UST: variants seen among roughly 807,000 people sequenced by gnomAD.
The protein encoded by UST is chondroitin sulfate 2-O-sulfotransferase.
A neutral mutation model predicts 45.6 loss-of-function variants in UST; 21 were observed. The ratio of observed to expected loss-of-function variants is 0.46; its 90% confidence interval spans 0.33 to 0.66. The LOEUF is 0.66. UST is among the 30% of genes least tolerant of loss of function. UST has a pLI of 0.02. For synonymous variants in UST, 215 were observed against 200.6 expected (o/e 1.07, Z -0.61); for missense variants, 463 against 512.4 (o/e 0.90, Z 0.93).
chr6:148,909,367 T>A (rs7749825), intron 2 of UST, among the ~76,000 whole-genome samples: 120,174 of 152,142 alleles, frequency 0.79, 47,607 homozygotes, highest in South Asian at 0.83. Context: ...GAGATGCCCG[T>A]GCGCTTCCTA....
chr6:148,973,460 T>G lies in UST; in HGVS notation c.681+8897T>G, dbSNP rs567125200. Among the ~76,000 whole-genome samples, 45 of 152,306 alleles carry G rather than the reference T, an allele frequency of 3.0e-4. 1 individual carries two copies. The South Asian group carries it at 3.9e-3, about 13-fold the overall frequency. ...ATGCAGGCCAATTCATACAAAGACA[T>G]GTAAATGCTAAATTAAAAGATGTGG... On this transcript the variant is annotated intron_variant, in intron 5 of 7. Coordinates refer to ENST00000367463, the MANE Select transcript of UST (RefSeq NM_005715.3).
chr6:148,820,678 G>A (rs995405771), intron 1 of UST, among the ~76,000 whole-genome samples: 29 of 151,696 alleles, frequency 1.9e-4, no homozygotes, highest in Admixed American at 1.5e-3. Context: ...ATGAAACCCC[G>A]TCTCTACTAA....
chr6:149,058,290 G>A (rs1378665621), intron 7 of UST, among the ~76,000 whole-genome samples: 1 of 151,780 alleles, frequency 6.6e-6, no homozygotes, highest in Non-Finnish European at 1.5e-5. Flanking sequence ...AGGGCTAGAT[G>A]TAGGTAATGA....
chr6:148,995,119 G>T (rs1396607400), intron 5 of UST, among the ~76,000 whole-genome samples: 1 of 152,044 alleles, frequency 6.6e-6, no homozygotes, highest in Non-Finnish European at 1.5e-5. Context: ...CCGCCTCCCG[G>T]GTTCAAGCTA....
At chr6:148,915,488 A>T (rs531380745) in intron 2 of UST, among the ~76,000 whole-genome samples, 1 of 152,090 alleles carries the variant, frequency 6.6e-6, no homozygotes, top group African/African-American at 2.4e-5. Context: ...CCAGACCCCA[A>T]ACAAGGATGT....
At chr6:148,933,694 T>C (rs1256868776) in intron 2 of UST, among the ~76,000 whole-genome samples, 1 of 152,090 alleles carries the variant, frequency 6.6e-6, no homozygotes. Context: ...AGAAAACAGA[T>C]GTGTGTGGCT....
At chr6:149,064,050 C>T (rs1158391190) in intron 7 of UST, among the ~76,000 whole-genome samples, 2 of 152,118 alleles carry the variant, frequency 1.3e-5, no homozygotes, top group Admixed American at 1.3e-4. Context: ...TATGAAAGAC[C>T]CAACTCCATG....
chr6:148,889,951 A>G (rs573128595), intron 2 of UST, among the ~76,000 whole-genome samples: 5 of 152,198 alleles, frequency 3.3e-5, no homozygotes, highest in African/African-American at 9.6e-5. Context: ...GTAATATGCA[A>G]AAATGATCAG....
intron 3 of UST, among the ~76,000 whole-genome samples, chr6:148,948,428 T>G (rs1450743355): frequency 6.6e-6 from 1 of 152,238 alleles, no homozygotes; most frequent in Non-Finnish European, 1.5e-5. Context: ...TTGGTAGAAC[T>G]GCAGGTAAAG....
At chr6:148,848,120 G>A (rs1778033303) in intron 1 of UST, among the ~76,000 whole-genome samples, 2 of 152,136 alleles carry the variant, frequency 1.3e-5, no homozygotes. Flanking sequence ...ACACCTGTTG[G>A]GAGAATCTTT....
chr6:148,910,839 T>C lies in UST; in HGVS notation c.291+23810T>C, dbSNP rs141344482. ...AGGAACTGCCCATTTCCACTGATGA[T>C]AGAAAGGTGTCTGTTTCTAATCGTT... On this transcript the variant is annotated intron_variant, in intron 2 of 7. Coordinates refer to ENST00000367463, the MANE Select transcript of UST (RefSeq NM_005715.3). Among the ~76,000 whole-genome samples, 320 of 152,314 alleles carry C rather than the reference T, an allele frequency of 2.1e-3. 1 individual carries two copies. Among genetic ancestry groups the C allele is most frequent in the African/African-American group, 7.6e-3 (316 of 41,578 alleles).
chr6:148,919,048 A>G (rs895188513), intron 2 of UST, among the ~76,000 whole-genome samples: 10 of 152,102 alleles, frequency 6.6e-5, no homozygotes, highest in African/African-American at 2.4e-4. Flanking sequence ...GATCTTTACT[A>G]TAGTACTCTG....
At chr6:148,930,320 A>G (rs1779897433) in intron 2 of UST, among the ~76,000 whole-genome samples, 1 of 152,216 alleles carries the variant, frequency 6.6e-6, no homozygotes, top group South Asian at 2.1e-4. Flanking sequence ...TTGAGTGCCT[A>G]CTATGTGCCA....
At chr6:148,924,843 C>T (rs1303630896) in intron 2 of UST, among the ~76,000 whole-genome samples, 1 of 152,136 alleles carries the variant, frequency 6.6e-6, no homozygotes, top group African/African-American at 2.4e-5. Flanking sequence ...TTTGCATTCT[C>T]TTGGTTGGGG....
intron 4 of UST, among the ~76,000 whole-genome samples, chr6:148,959,793 C>G (rs377763118): frequency 7.2e-5 from 11 of 152,044 alleles, no homozygotes; most frequent in African/African-American, 2.7e-4. Context: ...TGGGACAGAC[C>G]GGAGAGCAGA....
chr6:148,802,286 G>C (rs1777070090), intron 1 of UST, among the ~76,000 whole-genome samples: 2 of 152,142 alleles, frequency 1.3e-5, no homozygotes, highest in Admixed American at 1.3e-4. Flanking sequence ...AGGAATCGTA[G>C]TTCTTACAAA....
rs113847573 is a variant in UST, at chr6:148,769,871, CTT to C, written c.247+22205_247+22206del. ...GTATAGATCCCTACTCTTTCTGTCA[CTT>C]TTTTTTTTTTATAGGAAAAGACCTT... On this transcript the variant is annotated intron_variant, in intron 1 of 7. Coordinates refer to ENST00000367463, the MANE Select transcript of UST (RefSeq NM_005715.3). 2.2e-3 allele frequency among the ~76,000 whole-genome samples: 325 copies of C among 146,466 alleles called. 1 individual carries two copies. Among genetic ancestry groups the C allele is most frequent in the African/African-American group, 6.9e-3 (275 of 40,024 alleles).
chr6:149,037,040 G>C (rs1365148502), intron 7 of UST, among the ~76,000 whole-genome samples: 2 of 152,128 alleles, frequency 1.3e-5, no homozygotes, highest in Non-Finnish European at 2.9e-5. Flanking sequence ...TTAGGTGTCA[G>C]TTTGGGGGAA....
chr6:148,985,735 G>T (rs1781226885), intron 5 of UST, among the ~76,000 whole-genome samples: 1 of 152,126 alleles, frequency 6.6e-6, no homozygotes, highest in Non-Finnish European at 1.5e-5. Context: ...TCTCTTTCAG[G>T]ATCACTTACC....
Sources: gnomAD v4.1 joint callset for allele counts (sites outside exome capture counted in the v4.1 genomes callset) on GRCh38, gnomAD v4.1.1 for gene constraint, MANE v1.5 for transcripts, NCBI Gene and HGNC (gene_info 2026-07-23, HGNC 2026-07-21) for gene names.